ARHGEF12: variants seen among roughly 807,000 people sequenced by gnomAD.
The protein encoded by ARHGEF12 is KMT2A/ARHGEF12 fusion protein.
A neutral mutation model predicts 211.2 loss-of-function variants in ARHGEF12; 66 were observed. That is an observed-to-expected ratio of 0.31 (90% CI 0.26 to 0.38). ARHGEF12 has a LOEUF of 0.38. Ranked by LOEUF, ARHGEF12 falls within the 10% of genes least tolerant of loss-of-function variation. The pLI, the probability that ARHGEF12 is intolerant of heterozygous loss-of-function variation, is 1.00. For missense variants in ARHGEF12, 1,429 were observed against 1,869.5 expected, an observed-to-expected ratio of 0.76 and a Z score of 4.34; for synonymous variants, 592 against 638.4, an observed-to-expected ratio of 0.93 and a Z score of 1.09.
At chr11:120,354,660 A>G (rs917378662) in intron 1 of ARHGEF12, among the ~76,000 whole-genome samples, 3 of 152,152 alleles carry the variant, frequency 2.0e-5, no homozygotes, top group Non-Finnish European at 2.9e-5. Flanking sequence ...ACCCCAGAAA[A>G]TCTAGAAGAA....
At chr11:120,442,243 A>G (rs1252526195) in intron 15 of ARHGEF12, 41 bp downstream of exon 15, 2 of 1,483,076 alleles carry the variant, frequency 1.3e-6, no homozygotes, top group Middle Eastern at 1.7e-4. Context: ...GCCTTAGTAC[A>G]TGGAATTATT....
intron 1 of ARHGEF12, among the ~76,000 whole-genome samples, chr11:120,392,562 AAGC>A (rs1397365719): frequency 6.6e-6 from 1 of 152,168 alleles, no homozygotes; most frequent in African/African-American, 2.4e-5. Flanking sequence ...AAACTGACTT[AAGC>A]AGTAACGCAT....
intron 5 of ARHGEF12, 96 bp from the exon 6 acceptor site, chr11:120,421,707 C>T (rs1253902768): frequency 6.9e-6 from 8 of 1,156,276 alleles, no homozygotes; most frequent in East Asian, 2.5e-5. Context: ...AAGGACAGCC[C>T]ATGTTTTTAA....
In ARHGEF12 at chr11:120,469,128, C is replaced by T. The variant is rs139108404; in HGVS notation, c.2855-160C>T. ...AGAAGTTTTACCTGTCCAAAGACTG[C>T]TTGAATTGAGACTCTGACAGAGGCT... On this transcript the variant is annotated intron_variant, in intron 29 of 40. Coordinates refer to ENST00000397843, the MANE Select transcript of ARHGEF12 (RefSeq NM_015313.3). 2.7e-3 allele frequency among the ~76,000 whole-genome samples: 406 copies of T among 152,242 alleles called. 1 individual carries two copies. Among genetic ancestry groups the T allele is most frequent in the African/African-American group, 9.1e-3 (380 of 41,532 alleles).
intron 1 of ARHGEF12, among the ~76,000 whole-genome samples, chr11:120,356,919 T>A (rs1943146191): frequency 6.6e-6 from 1 of 152,254 alleles, no homozygotes; most frequent in Admixed American, 6.5e-5. Flanking sequence ...TGTGAGGTAT[T>A]CACAGGTGAA....
chr11:120,367,106 A>T (rs773733074), intron 1 of ARHGEF12, among the ~76,000 whole-genome samples: 1 of 152,056 alleles, frequency 6.6e-6, no homozygotes, highest in Non-Finnish European at 1.5e-5. Context: ...CAACAGTCTT[A>T]TTGCATCTGA....
chr11:120,420,889 CAG>C (rs1226307588), intron 5 of ARHGEF12, 38 bp downstream of exon 5: 2 of 1,544,492 alleles, frequency 1.3e-6, no homozygotes, highest in East Asian at 4.5e-5. Context: ...ACTCAGTAAA[CAG>C]AGTAAGAATA....
chr11:120,447,839 AT>A, intron 18 of ARHGEF12, 34 bp from the exon 19 acceptor site: 1 of 1,419,788 alleles, frequency 7.0e-7, no homozygotes, highest in Non-Finnish European at 9.6e-7. Context: ...AAACTTCCAT[AT>A]TTCATTTTTA....
chr11:120,409,586 C>A, intron 4 of ARHGEF12, 136 bp downstream of exon 4: 1 of 837,850 alleles, frequency 1.2e-6, no homozygotes, highest in Non-Finnish European at 1.8e-6. Context: ...ATGGCATGAT[C>A]TACTGCAGGG....
rs551970293 is a variant in ARHGEF12 at position 120,394,753 on chromosome 11, A to C, written c.33-11365A>C. 2.6e-5 allele frequency among the ~76,000 whole-genome samples: 4 copies of C among 152,076 alleles called. No individual in the cohort carries two copies. In the East Asian group the frequency reaches 7.8e-4, roughly 29 times the overall value. On this transcript the variant is annotated intron_variant, in intron 1 of 40. Transcript: ENST00000397843. The stretch of plus-strand genomic sequence containing the variant: ...GAGGTGACATCATTACAGATTCTTC[A>C]GATATTAAAAAAAAATAGGGGAGGC...
At position 120,374,362 on chromosome 11, in the gene ARHGEF12, A is replaced by G. The variant is rs7126834; in HGVS notation, c.33-31756A>G. On this transcript the variant is annotated intron_variant, in intron 1 of 40. Coordinates refer to ENST00000397843, the MANE Select transcript of ARHGEF12 (RefSeq NM_015313.3). ...GGGAAATTTTATCCAGGGATACAGA[A>G]GAAACGTTCATTCATTTTTATTTAA... Among the ~76,000 whole-genome samples the G allele has an allele frequency of 1.9e-3, 295 of 152,332 alleles. 2 individuals are homozygous for G. The highest frequency in any genetic ancestry group is 6.7e-3 in the African/African-American group (279 of 41,572).
chr11:120,465,444 G>T, intron 28 of ARHGEF12, 82 bp downstream of exon 28: 2 of 1,551,684 alleles, frequency 1.3e-6, no homozygotes, highest in East Asian at 2.3e-5. Flanking sequence ...TTCTGACTAA[G>T]ACTTTTACAA....
chr11:120,339,001 T>C (rs2135217762), intron 1 of ARHGEF12, among the ~76,000 whole-genome samples: 1 of 132,234 alleles, frequency 7.6e-6, no homozygotes, highest in East Asian at 2.0e-4. Context: ...TTTCTTTTCT[T>C]TTTCTTTTTT....
chr11:120,337,632 A>G (rs1170182517), intron 1 of ARHGEF12: 2 of 985,242 alleles, frequency 2.0e-6, no homozygotes, highest in African/African-American at 3.5e-5. Flanking sequence ...GTATTGGTGT[A>G]TTATTTATCA....
At chr11:120,412,495 T>C (rs757938775) in intron 4 of ARHGEF12, among the ~76,000 whole-genome samples, 2 of 152,226 alleles carry the variant, frequency 1.3e-5, no homozygotes, top group Non-Finnish European at 2.9e-5. Flanking sequence ...CTTCTTGCTG[T>C]TTGTCTCACA....
At chr11:120,442,079 T>G in intron 14 of ARHGEF12, 25 bp from the exon 15 acceptor site, 1 of 1,522,852 alleles carries the variant, frequency 6.6e-7, no homozygotes, top group Non-Finnish European at 8.9e-7. Context: ...TCATTTTGTC[T>G]TTTTCATTCC....
At chr11:120,359,381 T>G (rs1350985532) in intron 1 of ARHGEF12, among the ~76,000 whole-genome samples, 1 of 152,054 alleles carries the variant, frequency 6.6e-6, no homozygotes, top group Non-Finnish European at 1.5e-5. Context: ...GCCACCATGC[T>G]CAGCTAATTG....
At chr11:120,441,969 A>T in intron 14 of ARHGEF12, 135 bp from the exon 15 acceptor site, 1 of 877,152 alleles carries the variant, frequency 1.1e-6, no homozygotes, top group Non-Finnish European at 1.7e-6. Flanking sequence ...ATTTTTAAAG[A>T]CTTGGTTATA....
intron 1 of ARHGEF12, among the ~76,000 whole-genome samples, chr11:120,344,845 G>C (rs1339769687): frequency 6.6e-6 from 1 of 152,212 alleles, no homozygotes; most frequent in African/African-American, 2.4e-5. Flanking sequence ...TTGCTCTCTT[G>C]AAGTTAAAAC....
Sources: gnomAD v4.1 joint callset for allele counts (sites outside exome capture counted in the v4.1 genomes callset) on GRCh38, gnomAD v4.1.1 for gene constraint, MANE v1.5 for transcripts, NCBI Gene and HGNC (gene_info 2026-07-23, HGNC 2026-07-21) for gene names.